UNKL: variants seen among roughly 807,000 people sequenced by gnomAD.
UNKL encodes the protein unk like zinc finger.
A neutral mutation model predicts 78.0 loss-of-function variants in UNKL; 60 were observed. That is an observed-to-expected ratio of 0.77 (90% CI 0.63 to 0.95). The LOEUF is 0.95. Ranked by LOEUF, UNKL falls within the 40% of genes least tolerant of loss-of-function variation. UNKL has a pLI of 0.00. For synonymous variants in UNKL, 608 were observed against 474.8 expected (o/e 1.28, Z -3.65); for missense variants, 1,159 against 1,045.7 (o/e 1.11, Z -1.49).
chr16:1,382,943 G>A (rs1362267119), intron 10 of UNKL, among the ~76,000 whole-genome samples: 1 of 145,834 alleles, frequency 6.9e-6, no homozygotes, highest in Non-Finnish European at 1.5e-5. Flanking sequence ...GGGTGACAGA[G>A]CGAGACTCTG....
intron 10 of UNKL, among the ~76,000 whole-genome samples, chr16:1,371,994 C>T (rs1281668210): frequency 1.3e-5 from 2 of 152,120 alleles, no homozygotes. Flanking sequence ...CGGTGGCTCA[C>T]ACCTGTAATC....
intron 5 of UNKL, chr16:1,398,847 C>A (rs374171888): frequency 3.2e-5 from 50 of 1,568,186 alleles, no homozygotes; most frequent in Middle Eastern, 1.8e-4. Context: ...GGGGCTCAGG[C>A]GGTGGAGGAA....
At chr16:1,377,454 C>G (rs143382602) in intron 10 of UNKL, among the ~76,000 whole-genome samples, 1 of 152,116 alleles carries the variant, frequency 6.6e-6, no homozygotes, top group Non-Finnish European at 1.5e-5. Context: ...CTGCTGTGCA[C>G]AGCCCTCCCT....
chr16:1,377,497 CT>C (rs2036324357), intron 10 of UNKL, among the ~76,000 whole-genome samples: 1 of 151,724 alleles, frequency 6.6e-6, no homozygotes. Context: ...GAGACCCCCC[CT>C]CTGCCTCCAC....
chr16:1,413,011 G>C (rs2038109598), intron 2 of UNKL, among the ~76,000 whole-genome samples: 1 of 152,162 alleles, frequency 6.6e-6, no homozygotes, highest in African/African-American at 2.4e-5. Context: ...ACTTTGGGAG[G>C]CTGAAGCAGG....
intron 9 of UNKL, 65 bp downstream of exon 9, chr16:1,390,567 G>A: frequency 6.6e-7 from 1 of 1,509,074 alleles, no homozygotes; most frequent in Non-Finnish European, 8.9e-7. Context: ...TCAGGCACGA[G>A]GGCGGGAAGC....
At chr16:1,368,457 C>G (rs2035491133) in intron 12 of UNKL, among the ~76,000 whole-genome samples, 1 of 151,826 alleles carries the variant, frequency 6.6e-6, no homozygotes, top group Admixed American at 6.6e-5. Context: ...AAAAAATTAG[C>G]CAGGCGTGGT....
chr16:1,405,194 CAAAAAAAAAAAAAAAAAA>C lies in UNKL; in HGVS notation c.288-1868_288-1851del, dbSNP rs529175991. 1.0e-4 allele frequency among the ~76,000 whole-genome samples: 11 copies of C among 109,488 alleles called. No individual in the cohort carries two copies. The South Asian group carries it at 2.1e-3, about 21-fold the overall frequency. 71.8% of individuals were successfully genotyped at this position (109,488 alleles called of 152,430 possible). ...TGGGCAACAGAGCAAGACCCTGTCT[CAAAAAAAAAAAAAAAAAA>C]AAAAAAAAAAAGGAGGCGAGGAAGG... On this transcript the variant is annotated intron_variant, in intron 2 of 14. Transcript: ENST00000389221.
intron 6 of UNKL, among the ~76,000 whole-genome samples, chr16:1,396,675 G>A (rs988519870): frequency 1.8e-4 from 28 of 152,110 alleles, no homozygotes; most frequent in African/African-American, 6.3e-4. Flanking sequence ...CTCACTGCAA[G>A]CTCCGCCTCC....
chr16:1,383,324 A>G (rs1392610866), intron 10 of UNKL, among the ~76,000 whole-genome samples: 1 of 152,002 alleles, frequency 6.6e-6, no homozygotes, highest in Admixed American at 6.6e-5. Context: ...CACACACACA[A>G]AAGAAAAATG....
chr16:1,379,456 G>A (rs1384048950), intron 10 of UNKL: 1 of 982,750 alleles, frequency 1.0e-6, no homozygotes, highest in Non-Finnish European at 1.2e-6. Context: ...CGACGCCTTC[G>A]CCTCGCTCCG....
chr16:1,369,893 T>C (rs373931872), intron 12 of UNKL: 5 of 1,508,360 alleles, frequency 3.3e-6, no homozygotes, highest in Non-Finnish European at 4.5e-6. Context: ...GAGAATTGCT[T>C]GAACCTGGGA....
intron 14 of UNKL, 121 bp downstream of exon 14, chr16:1,366,971 C>T: frequency 7.0e-7 from 1 of 1,425,782 alleles, no homozygotes; most frequent in Non-Finnish European, 9.1e-7. Context: ...CCTCCCTAGG[C>T]CCGGAGCAGA....
rs1408654318 is a variant in UNKL, at chr16:1,405,679, C to T, written c.288-2335G>A. Among the ~76,000 whole-genome samples, 3 of 152,080 alleles carry T rather than the reference C, an allele frequency of 2.0e-5. No individual in the cohort carries two copies. In the East Asian group the frequency reaches 5.8e-4, roughly 29 times the overall value. On this transcript the variant is annotated intron_variant, in intron 2 of 14. Transcript: ENST00000389221. Reference sequence around the variant, plus strand: ...CCTAAGAGAAAGCACAGAGCCATTGCTCACGGATGCCCAAGGAGGGGACGC... The same window carrying T: ...CCTAAGAGAAAGCACAGAGCCATTGTTCACGGATGCCCAAGGAGGGGACGC...
In UNKL at chr16:1,365,246, CA is replaced by C. The variant is rs768667712; in HGVS notation, c.*993del. The stretch of plus-strand genomic sequence containing the variant: ...GACCTTAGGTGATCCACCCGCCTCC[CA>C]AAGTGCTGGGATCACAGGCATGAGC... On this transcript the variant is annotated 3_prime_UTR_variant, in exon 15 of 15. Transcript: ENST00000389221. The C allele has an allele frequency of 3.3e-5, 5 of 152,186 alleles. No individual in the cohort carries two copies. The East Asian group carries it at 5.8e-4, about 18-fold the overall frequency. 9.4% of individuals were successfully genotyped at this position (152,186 alleles called of 1,614,324 possible). A position where few individuals can be genotyped will look rare whatever the true frequency, so the allele number is the denominator to read the frequency against.
chr16:1,366,701 A>G (rs2035285149), intron 14 of UNKL, among the ~76,000 whole-genome samples: 1 of 152,234 alleles, frequency 6.6e-6, no homozygotes, highest in East Asian at 1.9e-4. Context: ...TGGGCTACGC[A>G]GGACCCTCTG....
chr16:1,390,720 T>G (rs963642250), intron 8 of UNKL, 26 bp from the exon 9 acceptor site: 20 of 1,535,310 alleles, frequency 1.3e-5, no homozygotes, highest in Non-Finnish European at 1.7e-5. Context: ...CAGTCATATG[T>G]GGAAAAAGCA....
At chr16:1,405,365 G>A (rs1351213871) in intron 2 of UNKL, among the ~76,000 whole-genome samples, 1 of 152,074 alleles carries the variant, frequency 6.6e-6, no homozygotes, top group East Asian at 1.9e-4. Flanking sequence ...GAAGGCCAAG[G>A]CGGGTGGATC....
chr16:1,406,272 G>A (rs568429221), intron 2 of UNKL, among the ~76,000 whole-genome samples: 3 of 151,904 alleles, frequency 2.0e-5, no homozygotes, highest in African/African-American at 7.2e-5. Flanking sequence ...GAGTGCAGTG[G>A]CACAATCTCA....
Sources: gnomAD v4.1 joint callset for allele counts (sites outside exome capture counted in the v4.1 genomes callset) on GRCh38, gnomAD v4.1.1 for gene constraint, MANE v1.5 for transcripts, NCBI Gene and HGNC (gene_info 2026-07-23, HGNC 2026-07-21) for gene names.